The following ADARB2 variants were observed in gnomAD, a reference collection of about 807,000 sequenced individuals.
ADARB2 encodes the protein inactive double-stranded RNA-specific editase B2.
ADARB2 carries 25 observed loss-of-function variants against 62.2 expected under a neutral mutation model. The ratio of observed to expected loss-of-function variants is 0.40; its 90% CI spans 0.29 to 0.56. The LOEUF (loss-of-function observed/expected upper bound fraction) is 0.56, where lower values mean the gene tolerates loss of function less well. Among genes scored for constraint, ADARB2 ranks in the 20% least tolerant of loss-of-function variants. ADARB2 has a pLI of 0.43. For missense variants in ADARB2, 1,071 were observed against 1,077.4 expected, an observed-to-expected ratio of 0.99 and a Z score of 0.08; for synonymous variants, 572 against 500.8, an observed-to-expected ratio of 1.14 and a Z score of -1.90.
At chr10:1,275,170 G>C (rs1039143451) in intron 3 of ADARB2, among the ~76,000 whole-genome samples, 2 of 152,364 alleles carry the variant, frequency 1.3e-5, no homozygotes, top group East Asian at 1.9e-4. Flanking sequence ...ACAGATGAAG[G>C]CCTCCTTGAC....
At chr10:1,530,538 C>T (rs1832218602) in intron 1 of ADARB2, among the ~76,000 whole-genome samples, 1 of 152,266 alleles carries the variant, frequency 6.6e-6, no homozygotes, top group South Asian at 2.1e-4. Context: ...GACGAGACTC[C>T]TTGCGGCCTG....
intron 1 of ADARB2, among the ~76,000 whole-genome samples, chr10:1,511,531 C>T (rs1588283053): frequency 6.6e-6 from 1 of 152,070 alleles, no homozygotes; most frequent in African/African-American, 2.4e-5. Context: ...TTTGATGCTA[C>T]ATCTGTGAGC....
rs1564345695 is a variant in ADARB2 at position 1,608,784 on chromosome 10, GA to G, written c.100+128266del. On this transcript the variant is annotated intron_variant, in intron 1 of 9. Transcript: ENST00000381312. The stretch of plus-strand genomic sequence containing the variant: ...GGAAAGAAAGAGAAAGAGAAAGAAA[GA>G]AAGAAAGAAAGAAAAGCAAGGGAGG... Among the ~76,000 whole-genome samples, 557 of 147,714 alleles carry G rather than the reference GA, an allele frequency of 3.8e-3. 6 individuals carry two copies. The highest frequency in any genetic ancestry group is 0.013 in the African/African-American group (536 of 40,348).
chr10:1,388,298 T>C (rs1360967659), intron 1 of ADARB2, among the ~76,000 whole-genome samples: 1 of 152,114 alleles, frequency 6.6e-6, no homozygotes, highest in Non-Finnish European at 1.5e-5. Context: ...AAAGAGTGAA[T>C]GATTTCCTTG....
chr10:1,358,515 G>A (rs1451267675), intron 3 of ADARB2, among the ~76,000 whole-genome samples: 5 of 152,068 alleles, frequency 3.3e-5, no homozygotes, highest in Admixed American at 1.3e-4. Flanking sequence ...TGCCTTTTCC[G>A]CTGCCCAGGG....
At chr10:1,549,352 C>T (rs896882390) in intron 1 of ADARB2, among the ~76,000 whole-genome samples, 4 of 152,144 alleles carry the variant, frequency 2.6e-5, no homozygotes, top group Non-Finnish European at 4.4e-5. Flanking sequence ...GGACACAAGG[C>T]GCTCTTTTTG....
intron 1 of ADARB2, among the ~76,000 whole-genome samples, chr10:1,578,337 C>A (rs1002520507): frequency 1.3e-5 from 2 of 151,468 alleles, no homozygotes; most frequent in African/African-American, 4.9e-5. Flanking sequence ...TCTTATTTTT[C>A]TTTAATGAGT....
chr10:1,544,596 G>A (rs1161181253), intron 1 of ADARB2, among the ~76,000 whole-genome samples: 4 of 152,142 alleles, frequency 2.6e-5, no homozygotes, highest in Admixed American at 1.3e-4. Flanking sequence ...TAATGCCGGG[G>A]CCTGGACAGG....
intron 1 of ADARB2, among the ~76,000 whole-genome samples, chr10:1,380,062 C>A (rs1254914481): frequency 6.6e-6 from 1 of 152,222 alleles, no homozygotes. Flanking sequence ...AATGAAGCCA[C>A]CGCACTTGGG....
chr10:1,481,610 C>T lies in ADARB2; in HGVS notation c.101-102450G>A, dbSNP rs573147809. 1.4e-4 allele frequency among the ~76,000 whole-genome samples: 18 copies of T among 125,972 alleles called. No homozygotes were observed. In the East Asian group the frequency reaches 1.5e-3, roughly 10 times the overall value. 82.6% of individuals were successfully genotyped at this position (125,972 alleles called of 152,430 possible). ...AATATGGGCTGGGCACAGTGGCTCA[C>T]GCATCATCCCAGCTGAAGTGTGCGG... is the stretch of plus-strand genomic sequence containing the variant. On this transcript the variant is annotated intron_variant, in intron 1 of 9. Coordinates refer to ENST00000381312, the MANE Select transcript of ADARB2 (RefSeq NM_018702.4).
chr10:1,545,580 A>T (rs897514005), intron 1 of ADARB2, among the ~76,000 whole-genome samples: 1 of 152,110 alleles, frequency 6.6e-6, no homozygotes, highest in Non-Finnish European at 1.5e-5. Flanking sequence ...CTTAAGGAAG[A>T]TGGCCTCGGT....
intron 1 of ADARB2, among the ~76,000 whole-genome samples, chr10:1,504,135 C>T (rs1442748373): frequency 1.3e-5 from 2 of 152,154 alleles, no homozygotes; most frequent in Non-Finnish European, 2.9e-5. Flanking sequence ...ACTTGGATTC[C>T]GTTGCTTAAA....
intron 3 of ADARB2, among the ~76,000 whole-genome samples, chr10:1,352,270 G>A (rs1832151125): frequency 6.6e-6 from 1 of 152,126 alleles, no homozygotes; most frequent in Non-Finnish European, 1.5e-5. Flanking sequence ...TCCTAGGCAT[G>A]GTTAGATACT....
intron 7 of ADARB2, 110 bp downstream of exon 7, chr10:1,216,841 C>CA: frequency 7.2e-7 from 1 of 1,387,650 alleles, no homozygotes; most frequent in Non-Finnish European, 9.8e-7. Flanking sequence ...GCCCTGACCG[C>CA]ATGTGCCCAG....
At chr10:1,575,365 A>G (rs1187434451) in intron 1 of ADARB2, among the ~76,000 whole-genome samples, 1 of 152,036 alleles carries the variant, frequency 6.6e-6, no homozygotes, top group African/African-American at 2.4e-5. Context: ...AGTGCTGATT[A>G]TTTTTCTGGG....
At chr10:1,463,997 G>A (rs575271770) in intron 1 of ADARB2, among the ~76,000 whole-genome samples, 9 of 152,348 alleles carry the variant, frequency 5.9e-5, no homozygotes, top group Non-Finnish European at 1.0e-4. Flanking sequence ...ACACACCTGC[G>A]AGAGTGGCTG....
intron 3 of ADARB2, among the ~76,000 whole-genome samples, chr10:1,324,825 C>T: frequency 6.6e-6 from 1 of 152,106 alleles, no homozygotes; most frequent in East Asian, 1.9e-4. Flanking sequence ...ACACAACCTA[C>T]ACCTGGGATA....
At chr10:1,661,540 G>C (rs1834248408) in intron 1 of ADARB2, among the ~76,000 whole-genome samples, 1 of 152,198 alleles carries the variant, frequency 6.6e-6, no homozygotes. Flanking sequence ...AGGGTTGGGG[G>C]AGGGCCCCGG....
intron 3 of ADARB2, among the ~76,000 whole-genome samples, chr10:1,351,921 C>T (rs1454944727): frequency 1.4e-5 from 2 of 147,738 alleles, no homozygotes; most frequent in African/African-American, 2.6e-5. Context: ...GGTGCCAAAC[C>T]CATATACTCT....
Sources: allele counts gnomAD v4.1 joint callset (sites outside exome capture counted in the v4.1 genomes callset), GRCh38; gene constraint gnomAD v4.1.1; transcripts MANE v1.5; gene names NCBI Gene and HGNC (gene_info 2026-07-23, HGNC 2026-07-21).